TMEM132B: variants seen among roughly 807,000 people sequenced by gnomAD.
TMEM132B encodes the protein transmembrane protein 132B.
A neutral mutation model predicts 90.8 loss-of-function variants in TMEM132B; 18 were observed. The ratio of observed to expected loss-of-function variants is 0.20; its 90% CI spans 0.14 to 0.29. TMEM132B has a LOEUF of 0.29. TMEM132B is among the 10% of genes least tolerant of loss of function. The probability of loss-of-function intolerance (pLI) is 1.00; values close to 1 mark genes in which losing one functional copy is unlikely to be tolerated. For synonymous variants in TMEM132B, 504 were observed against 523.3 expected (o/e 0.96, Z 0.50); for missense variants, 1,096 against 1,326.8 (o/e 0.83, Z 2.70).
intron 2 of TMEM132B, among the ~76,000 whole-genome samples, chr12:125,409,200 G>A (rs931170925): frequency 1.3e-5 from 2 of 152,132 alleles, no homozygotes; most frequent in African/African-American, 4.8e-5. Flanking sequence ...GAGTTGCTGG[G>A]CCCTAGAATG....
intron 1 of TMEM132B, among the ~76,000 whole-genome samples, chr12:125,274,479 G>A (rs1398800382): frequency 2.0e-5 from 3 of 152,214 alleles, no homozygotes; most frequent in Admixed American, 2.0e-4. Flanking sequence ...GGTTGTCCAG[G>A]TTGATCCCCG....
At position 125,490,226 on chromosome 12, in the gene TMEM132B, C is replaced by G. The variant is rs1882311710; in HGVS notation, c.1107-29213C>G. On this transcript the variant is annotated intron_variant, in intron 3 of 8. Transcript: ENST00000682704. The surrounding 1 kb of genome is among the most constrained non-coding windows in gnomAD (Gnocchi z 4.2). ...CTTTACATATATTACTAATTAAATT[C>G]TCATATAACTTGGCAATGTAGATGT... 6.6e-6 allele frequency among the ~76,000 whole-genome samples: 1 copy of G among 152,058 alleles called. No homozygotes were observed. Among genetic ancestry groups the G allele is most frequent in the African/African-American group, 2.4e-5 (1 of 41,404 alleles).
At chr12:125,550,272 G>A (rs1024311477) in intron 4 of TMEM132B, among the ~76,000 whole-genome samples, 3 of 152,164 alleles carry the variant, frequency 2.0e-5, no homozygotes, top group Non-Finnish European at 2.9e-5. Context: ...GCTGGGGGGC[G>A]GGCACACCTT....
At position 125,213,402 on chromosome 12, in the gene TMEM132B, G is replaced by C. The variant is rs1301726352; in HGVS notation, c.67+26536G>C. Among the ~76,000 whole-genome samples, 1 of 152,154 alleles carries C rather than the reference G, an allele frequency of 6.6e-6. No individual in the cohort carries two copies. Reference sequence around the variant, plus strand: ...TGAGAACATTTGTGTACAAGTATTTGTTTGAGCACCTGTTTTCATTCTTTC... The same window carrying C: ...TGAGAACATTTGTGTACAAGTATTTCTTTGAGCACCTGTTTTCATTCTTTC... On this transcript the variant is annotated intron_variant, in intron 1 of 8. Coordinates refer to ENST00000682704, the MANE Select transcript of TMEM132B (RefSeq NM_001366854.1). This position sits in a 1 kb window ranked among gnomAD's most constrained non-coding sequence, Gnocchi z 4.2.
chr12:125,415,706 C>A lies in TMEM132B; in HGVS notation c.1106+29C>A, dbSNP rs141421615. On this transcript the variant is annotated intron_variant, in intron 3 of 8. Transcript: ENST00000682704. This position sits in a 1 kb window ranked among gnomAD's most constrained non-coding sequence, Gnocchi z 5.3. ...AGCATGGAGATCCCCAAGGCACCTC[C>A]GCAGTGGGGAGGAGGGGAGTGGCTG... is the stretch of plus-strand genomic sequence containing the variant. 1 of 1,611,262 alleles carries A rather than the reference C, an allele frequency of 6.2e-7. No individual in the cohort carries two copies. Among genetic ancestry groups the A allele is most frequent in the Admixed American group, 1.7e-5 (1 of 59,732 alleles).
chr12:125,391,249 G>A (rs145001174), intron 2 of TMEM132B, among the ~76,000 whole-genome samples: 10 of 152,294 alleles, frequency 6.6e-5, no homozygotes, highest in South Asian at 2.1e-4. Context: ...GGTTAAGTTC[G>A]TGTCAAGGTA....
At chr12:125,614,738 G>A (rs1447790310) in intron 5 of TMEM132B, among the ~76,000 whole-genome samples, 2 of 152,228 alleles carry the variant, frequency 1.3e-5, no homozygotes, top group Middle Eastern at 3.4e-3. Flanking sequence ...TTAAAACAGA[G>A]CTACCATTAG....
rs190322845 is a variant in TMEM132B, at chr12:125,491,540, G to C, written c.1107-27899G>C. Among the ~76,000 whole-genome samples, 181 of 152,334 alleles carry C rather than the reference G, an allele frequency of 1.2e-3. 1 individual carries two copies. Among genetic ancestry groups the C allele is most frequent in the African/African-American group, 4.0e-3 (168 of 41,570 alleles). On this transcript the variant is annotated intron_variant, in intron 3 of 8. Transcript: ENST00000682704. ...GTTCACTGCATCTGCAGACAATGCTGCCTGTGTGCCATTGGCATATTCAAT... is the reference window on the plus strand; with the variant it reads ...GTTCACTGCATCTGCAGACAATGCTCCCTGTGTGCCATTGGCATATTCAAT...
chr12:125,254,647 TG>T (rs1432168842), intron 1 of TMEM132B, among the ~76,000 whole-genome samples: 1 of 151,108 alleles, frequency 6.6e-6, no homozygotes, highest in Non-Finnish European at 1.5e-5. Context: ...TCCTCTCTCC[TG>T]GGACTTAGGA....
In TMEM132B at chr12:125,461,031, A is replaced by G. The variant is rs370212727; in HGVS notation, c.1106+45354A>G. On this transcript the variant is annotated intron_variant, in intron 3 of 8. Transcript: ENST00000682704. The stretch of plus-strand genomic sequence containing the variant: ...CAGTGGGATAATCTGAGTTATGAGA[A>G]TGTTTGCTGCAAAGGGCTTTCTGAT... Among the ~76,000 whole-genome samples, 22 of 152,338 alleles carry G rather than the reference A, an allele frequency of 1.4e-4. No individual in the cohort carries two copies. The South Asian group carries it at 1.7e-3, about 11-fold the overall frequency.
intron 3 of TMEM132B, among the ~76,000 whole-genome samples, chr12:125,452,023 T>A (rs967497872): frequency 6.6e-6 from 1 of 152,204 alleles, no homozygotes; most frequent in Admixed American, 6.5e-5. Context: ...GGCTCTGGAT[T>A]CTGGTGTCTG....
chr12:125,428,400 T>C (rs1451442842), intron 3 of TMEM132B, among the ~76,000 whole-genome samples: 1 of 152,250 alleles, frequency 6.6e-6, no homozygotes, highest in Non-Finnish European at 1.5e-5. Context: ...CATTTATCAA[T>C]TTATTCATTC....
At chr12:125,411,634 G>A (rs773066430) in intron 2 of TMEM132B, among the ~76,000 whole-genome samples, 1 of 152,114 alleles carries the variant, frequency 6.6e-6, no homozygotes, top group Non-Finnish European at 1.5e-5. Context: ...CTGCTAGGAT[G>A]GGCTGTCATC....
At chr12:125,305,621 A>G (rs1412701584) in intron 1 of TMEM132B, among the ~76,000 whole-genome samples, 1 of 152,220 alleles carries the variant, frequency 6.6e-6, no homozygotes, top group African/African-American at 2.4e-5. Flanking sequence ...TGCGTTTTAT[A>G]GATACATTGG....
At chr12:125,595,871 C>CTTTTT in intron 5 of TMEM132B, among the ~76,000 whole-genome samples, 1 of 146,154 alleles carries the variant, frequency 6.8e-6, no homozygotes, top group Non-Finnish European at 1.5e-5. Context: ...CTCAGGGCGG[C>CTTTTT]TTTTTTTTTT....
chr12:125,397,532 C>T (rs1879202597), intron 2 of TMEM132B, among the ~76,000 whole-genome samples: 1 of 152,066 alleles, frequency 6.6e-6, no homozygotes, highest in Admixed American at 6.6e-5. Context: ...CATGAGAAAC[C>T]CTTTATTGGG....
intron 1 of TMEM132B, among the ~76,000 whole-genome samples, chr12:125,262,988 G>A (rs1565986555): frequency 6.6e-6 from 1 of 152,220 alleles, no homozygotes; most frequent in African/African-American, 2.4e-5. Context: ...GGAGTGGATT[G>A]GAGTCTGTTT....
chr12:125,415,194 C>G lies in TMEM132B; in HGVS notation c.960-337C>G, dbSNP rs1245493155. 3.9e-5 allele frequency among the ~76,000 whole-genome samples: 6 copies of G among 152,180 alleles called. No individual in the cohort carries two copies. Among genetic ancestry groups the G allele is most frequent in the Non-Finnish European group, 8.8e-5 (6 of 68,022 alleles). On this transcript the variant is annotated intron_variant, in intron 2 of 8. Transcript: ENST00000682704. This position sits in a 1 kb window ranked among gnomAD's most constrained non-coding sequence, Gnocchi z 5.3. ...ATCTCCAGGTGAAGAATAGGCCTTG[C>G]AGATCCATCTCTTCTGGCCCGAGGC...
In TMEM132B at chr12:125,360,468, G is replaced by T. The variant is rs1250975028; in HGVS notation, c.959+10125G>T. ...TTTTTTCTTTAGTCAACAATATGAA[G>T]AGGTGAACTGGTAGCAATTAGACAT... On this transcript the variant is annotated intron_variant, in intron 2 of 8. Transcript: ENST00000682704. Among the ~76,000 whole-genome samples the T allele has an allele frequency of 2.0e-5, 3 of 152,258 alleles. No homozygotes were observed. In the East Asian group the frequency reaches 5.8e-4, roughly 29 times the overall value.
Sources: gnomAD v4.1 joint callset for allele counts (sites outside exome capture counted in the v4.1 genomes callset) on GRCh38, gnomAD v4.1.1 for gene constraint, Gnocchi (gnomAD v3.1) non-coding constraint, MANE v1.5 for transcripts, NCBI Gene and HGNC (gene_info 2026-07-23, HGNC 2026-07-21) for gene names.